PPP4R4: variants seen among roughly 807,000 people sequenced by gnomAD.
PPP4R4 encodes the protein serine/threonine-protein phosphatase 4 regulatory subunit 4.
In PPP4R4, 70 loss-of-function variants were observed where a neutral mutation model predicts 121.8. That is an observed-to-expected ratio of 0.57 (90% CI 0.47 to 0.70). The LOEUF is 0.70. Ranked by LOEUF, PPP4R4 falls within the 30% of genes least tolerant of loss-of-function variation. PPP4R4 has a pLI of 0.00. For missense variants in PPP4R4, 875 were observed against 1,033.6 expected (o/e 0.85, Z 2.10); for synonymous variants, 348 against 355.7 (o/e 0.98, Z 0.24).
chr14:94,212,946 A>G (rs1459666394), intron 3 of PPP4R4, among the ~76,000 whole-genome samples: 1 of 152,224 alleles, frequency 6.6e-6, no homozygotes, highest in African/African-American at 2.4e-5. Flanking sequence ...ACATTTTGGC[A>G]ACCATAAATT....
intron 14 of PPP4R4, among the ~76,000 whole-genome samples, chr14:94,247,562 C>T (rs371661670): frequency 3.9e-5 from 6 of 152,274 alleles, no homozygotes; most frequent in Non-Finnish European, 8.8e-5. Context: ...TTAACTCATT[C>T]TACAAAGCCA....
chr14:94,183,667 T>C (rs368350169), intron 2 of PPP4R4, among the ~76,000 whole-genome samples: 2 of 152,172 alleles, frequency 1.3e-5, no homozygotes, highest in African/African-American at 4.8e-5. Context: ...TAGGAAAAGC[T>C]TGAAAATAAA....
Position 94,246,430 on chromosome 14 carries a change from G to A in PPP4R4, c.1502G>A (p.Arg501Lys). The change falls in exon 14 of 25, where the codon AGA (arginine) becomes AAA (lysine). Residue 501 changes from arginine to lysine, a missense_variant. Physicochemically the swap from Arg to Lys is conservative, Grantham distance 26. Coordinates refer to ENST00000304338, the MANE Select transcript of PPP4R4 (RefSeq NM_058237.2). ...EQRAAASLKWRTHEKLLQKYA... is the reference protein window; with the variant it reads ...EQRAAASLKWKTHEKLLQKYA... The stretch of plus-strand genomic sequence containing the variant: ...CGAGCTGCAGCCTCTTTAAAATGGA[G>A]AACTCATGAGAAGCTACTTCAGAAA... The A allele has an allele frequency of 6.2e-7, 1 of 1,614,072 alleles. No individual in the cohort carries two copies. Among genetic ancestry groups the A allele is most frequent in the Non-Finnish European group, 8.5e-7 (1 of 1,179,960 alleles).
chr14:94,182,048 T>C (rs970258651), intron 2 of PPP4R4, among the ~76,000 whole-genome samples: 2 of 152,134 alleles, frequency 1.3e-5, no homozygotes, highest in African/African-American at 4.8e-5. Flanking sequence ...TCTTTTAACA[T>C]CTTGTCACAT....
chr14:94,197,571 T>C (rs1179636706), intron 2 of PPP4R4, among the ~76,000 whole-genome samples: 1 of 152,168 alleles, frequency 6.6e-6, no homozygotes, highest in African/African-American at 2.4e-5. Context: ...ATTGAGGTAT[T>C]GATGTACAGT....
At chr14:94,175,968 T>A (rs556800075) in intron 1 of PPP4R4, 86 bp from the exon 2 acceptor site, 96 of 1,016,862 alleles carry the variant, frequency 9.4e-5, no homozygotes, top group Non-Finnish European at 1.4e-4. Flanking sequence ...TTCATTCGTT[T>A]ATCCTCATAG....
chr14:94,208,413 G>A, intron 2 of PPP4R4, 51 bp from the exon 3 acceptor site: 3 of 1,370,726 alleles, frequency 2.2e-6, no homozygotes, highest in South Asian at 1.3e-5. Context: ...TAACTGTGCA[G>A]AGGAATTCAG....
At chr14:94,274,800 G>A (rs1894543351) in intron 23 of PPP4R4, among the ~76,000 whole-genome samples, 1 of 152,136 alleles carries the variant, frequency 6.6e-6, no homozygotes, top group Non-Finnish European at 1.5e-5. Context: ...TTACTGAGAA[G>A]AAACTAAAAC....
At chr14:94,218,674 ACT>A (rs1566665295) in intron 3 of PPP4R4, among the ~76,000 whole-genome samples, 1 of 66,970 alleles carries the variant, frequency 1.5e-5, no homozygotes, top group African/African-American at 5.9e-5. Context: ...ACACACACAC[ACT>A]CACCCCTAGA....
chr14:94,271,041 C>T (rs918281706), intron 23 of PPP4R4, among the ~76,000 whole-genome samples: 2 of 152,062 alleles, frequency 1.3e-5, no homozygotes, highest in Non-Finnish European at 2.9e-5. Flanking sequence ...TAATAATCTT[C>T]CAAAACAGAA....
chr14:94,251,223 A>G (rs1045431664), intron 15 of PPP4R4, among the ~76,000 whole-genome samples: 1 of 152,058 alleles, frequency 6.6e-6, no homozygotes, highest in Non-Finnish European at 1.5e-5. Flanking sequence ...CTGTTTATAT[A>G]TGACTGTATC....
At chr14:94,199,247 A>T (rs1170889606) in intron 2 of PPP4R4, among the ~76,000 whole-genome samples, 1 of 152,268 alleles carries the variant, frequency 6.6e-6, no homozygotes, top group Non-Finnish European at 1.5e-5. Context: ...AATATATTTC[A>T]TATTGAAATA....
At chr14:94,214,339 A>C (rs1348853765) in intron 3 of PPP4R4, among the ~76,000 whole-genome samples, 1 of 152,122 alleles carries the variant, frequency 6.6e-6, no homozygotes, top group Non-Finnish European at 1.5e-5. Context: ...ATAATAAAGA[A>C]AGGATAAAAG....
intron 2 of PPP4R4, among the ~76,000 whole-genome samples, chr14:94,184,679 A>G (rs1889170359): frequency 6.6e-6 from 1 of 152,236 alleles, no homozygotes. Context: ...TTCATTGACT[A>G]TGTTGGCTAT....
At position 94,256,513 on chromosome 14, in the gene PPP4R4, C is replaced by G; in HGVS notation, c.1919C>G (p.Ala640Gly). ...GTGAAATCTACTCTGAAGATTCCTG[C>G]TGATAAGCATCTACTTCAGCAGTTA... ...PKVKSTLKIPADKHLLQQLEM... is the reference protein window; with the variant it reads ...PKVKSTLKIPGDKHLLQQLEM... Residue 640 changes from alanine (A) to glycine (G), a missense_variant, in exon 17 of 25, where the codon GCT (alanine) becomes GGT (glycine). Ala to Gly is a moderately conservative substitution (Grantham distance 60). Transcript: ENST00000304338. The G allele has an allele frequency of 3.7e-6, 6 of 1,602,958 alleles. No individual in the cohort carries two copies. The highest frequency in any genetic ancestry group is 5.1e-6 in the Non-Finnish European group (6 of 1,170,818).
chr14:94,242,067 G>A, intron 10 of PPP4R4, 110 bp downstream of exon 10: 1 of 1,190,100 alleles, frequency 8.4e-7, no homozygotes, highest in South Asian at 1.4e-5. Context: ...CTTGCATTAT[G>A]TCTAGCATAC....
At chr14:94,273,571 T>C (rs1201890214) in intron 23 of PPP4R4, among the ~76,000 whole-genome samples, 2 of 152,166 alleles carry the variant, frequency 1.3e-5, no homozygotes, top group African/African-American at 2.4e-5. Context: ...ATCCGTAGCA[T>C]GTACGCCATT....
intron 2 of PPP4R4, among the ~76,000 whole-genome samples, chr14:94,205,921 G>A (rs532600701): frequency 6.6e-6 from 1 of 151,854 alleles, no homozygotes; most frequent in East Asian, 1.9e-4. Flanking sequence ...ATATTCTTCG[G>A]GCACTTGAAT....
At chr14:94,213,934 A>G (rs1890879616) in intron 3 of PPP4R4, among the ~76,000 whole-genome samples, 1 of 152,200 alleles carries the variant, frequency 6.6e-6, no homozygotes, top group African/African-American at 2.4e-5. Flanking sequence ...CCCATTTCAG[A>G]TATAATACAA....
Sources: gnomAD v4.1 joint callset for allele counts (sites outside exome capture counted in the v4.1 genomes callset) on GRCh38, gnomAD v4.1.1 for gene constraint, MANE v1.5 for transcripts, NCBI Gene and HGNC (gene_info 2026-07-23, HGNC 2026-07-21) for gene names.